The following PRICKLE2 variants were observed in gnomAD, a reference collection of about 807,000 sequenced individuals.
The protein encoded by PRICKLE2 is prickle-like protein 2.
A neutral mutation model predicts 81.4 loss-of-function variants in PRICKLE2; 21 were observed. The observed-to-expected ratio is 0.26, with a 90% CI of 0.18 to 0.37. The LOEUF (loss-of-function observed/expected upper bound fraction) is 0.37, where lower values mean the gene tolerates loss of function less well. Among genes scored for constraint, PRICKLE2 ranks in the 10% least tolerant of loss-of-function variants. The pLI, the probability that PRICKLE2 is intolerant of heterozygous loss-of-function variation, is 1.00. For missense variants in PRICKLE2, 940 were observed against 1,109.0 expected, an observed-to-expected ratio of 0.85 and a Z score of 2.16; for synonymous variants, 456 against 421.5, an observed-to-expected ratio of 1.08 and a Z score of -1.00.
At chr3:64,123,967 T>A (rs1024130146) in intron 7 of PRICKLE2, among the ~76,000 whole-genome samples, 1 of 152,156 alleles carries the variant, frequency 6.6e-6, no homozygotes, top group Non-Finnish European at 1.5e-5. Flanking sequence ...TGGAGATGAC[T>A]AAGCTTAGTG....
chr3:64,228,910 G>A (rs1240887895), upstream of PRICKLE2, among the ~76,000 whole-genome samples: 1 of 152,138 alleles, frequency 6.6e-6, no homozygotes, highest in Admixed American at 6.5e-5. Context: ...TTATGGCAGA[G>A]GTGATCAGGA....
At chr3:64,112,844 G>A (rs1321376759) in intron 7 of PRICKLE2, among the ~76,000 whole-genome samples, 1 of 152,168 alleles carries the variant, frequency 6.6e-6, no homozygotes, top group East Asian at 1.9e-4. Flanking sequence ...GAGCAAAGGG[G>A]GAGAAGGCAA....
At chr3:64,159,211 T>A (rs976623762) in intron 4 of PRICKLE2, among the ~76,000 whole-genome samples, 12 of 152,130 alleles carry the variant, frequency 7.9e-5, no homozygotes, top group Non-Finnish European at 1.5e-4. Context: ...CTCTCACCTG[T>A]TCACAAATAG....
chr3:64,214,530 G>A (rs557341203), intron 1 of PRICKLE2, among the ~76,000 whole-genome samples: 72 of 152,264 alleles, frequency 4.7e-4, no homozygotes, highest in African/African-American at 1.6e-3. Flanking sequence ...TCCCTGATTT[G>A]AGCTGGATCT....
chr3:64,166,001 TGTGTGTG>T (rs1559552043), intron 2 of PRICKLE2, among the ~76,000 whole-genome samples: 1,994 of 101,384 alleles, frequency 0.02, 19 homozygotes, highest in Non-Finnish European at 0.026. Flanking sequence ...TGTGTGTGTG[TGTGTGTG>T]TGTGTGTTTT....
intron 2 of PRICKLE2, among the ~76,000 whole-genome samples, chr3:64,264,284 T>C (rs2079663417): frequency 6.6e-6 from 1 of 151,944 alleles, no homozygotes; most frequent in African/African-American, 2.4e-5. Flanking sequence ...CCTCATAGGG[T>C]TGTCGTAAGG....
intron 7 of PRICKLE2, among the ~76,000 whole-genome samples, chr3:64,115,087 A>C (rs1096265): frequency 0.42 from 63,461 of 151,994 alleles, 13,725 homozygotes; most frequent in East Asian, 0.55. Context: ...AGAATTTCAT[A>C]TCCGGCCAAA....
chr3:64,215,275 A>T (rs755518661), intron 1 of PRICKLE2, among the ~76,000 whole-genome samples: 1 of 152,110 alleles, frequency 6.6e-6, no homozygotes, highest in African/African-American at 2.4e-5. Flanking sequence ...TGAATTTGCC[A>T]AGGCTTTCCC....
At chr3:64,200,745 T>C (rs1255158305) in intron 1 of PRICKLE2, 2 of 151,844 alleles carry the variant, frequency 1.3e-5, no homozygotes, top group Non-Finnish European at 2.9e-5. Context: ...GCCTCCTGAG[T>C]AGCTGGGACT....
chr3:64,205,670 T>C (rs1001057658), intron 1 of PRICKLE2, among the ~76,000 whole-genome samples: 19 of 152,200 alleles, frequency 1.2e-4, no homozygotes, highest in Non-Finnish European at 2.4e-4. Context: ...ATTGTAGAAA[T>C]TGAGATTCGA....
intron 1 of PRICKLE2, among the ~76,000 whole-genome samples, chr3:64,212,986 A>C (rs1488206875): frequency 1.3e-5 from 2 of 152,120 alleles, no homozygotes; most frequent in Admixed American, 1.3e-4. Context: ...GGACTGAGCA[A>C]GGTAATTTCA....
intron 2 of PRICKLE2, among the ~76,000 whole-genome samples, chr3:64,167,375 GCCCTGTGATTCCAC>G (rs1344072350): frequency 6.6e-6 from 1 of 152,166 alleles, no homozygotes; most frequent in Non-Finnish European, 1.5e-5. Flanking sequence ...AGATAAAGGT[GCCCTGTGATTCCAC>G]CCCAGGTGAA....
intron 1 of PRICKLE2, among the ~76,000 whole-genome samples, chr3:64,221,420 T>TACACACACACAC: frequency 6.9e-6 from 1 of 143,908 alleles, no homozygotes; most frequent in African/African-American, 2.6e-5. Context: ...GCTTGATTCA[T>TACACACACACAC]ACACACACAC....
chr3:64,192,740 C>A (rs1176328125), intron 2 of PRICKLE2, among the ~76,000 whole-genome samples: 1 of 152,164 alleles, frequency 6.6e-6, no homozygotes, highest in Non-Finnish European at 1.5e-5. Flanking sequence ...ATCCTTCCTG[C>A]GACAGTTTGA....
chr3:64,097,369 G>C lies in PRICKLE2; in HGVS notation c.*1682C>G, dbSNP rs938048041. The C allele has an allele frequency of 6.6e-6, 1 of 152,400 alleles. No individual in the cohort carries two copies. Among genetic ancestry groups the C allele is most frequent in the Non-Finnish European group, 1.5e-5 (1 of 68,018 alleles). 9.4% of individuals were successfully genotyped at this position (152,400 alleles called of 1,614,324 possible). On this transcript the variant is annotated 3_prime_UTR_variant, in exon 8 of 8. Transcript: ENST00000638394. Reference sequence around the variant, plus strand: ...AACTACTATACTGAAAAGAGATCACGCTCACCTCACCATGGCAGATGGCCA... The same window carrying C: ...AACTACTATACTGAAAAGAGATCACCCTCACCTCACCATGGCAGATGGCCA...
intron 2 of PRICKLE2, among the ~76,000 whole-genome samples, chr3:64,171,185 A>C (rs2107061750): frequency 6.6e-6 from 1 of 152,292 alleles, no homozygotes; most frequent in Admixed American, 6.5e-5. Flanking sequence ...TCTTTGCTCA[A>C]GGGCCACCTT....
intron 2 of PRICKLE2, among the ~76,000 whole-genome samples, chr3:64,183,785 T>C (rs1196348486): frequency 1.3e-5 from 2 of 152,212 alleles, no homozygotes; most frequent in Non-Finnish European, 2.9e-5. Context: ...GCAAAGAAAC[T>C]TGGTCAAGGC....
At chr3:64,186,350 G>A (rs2078232479) in intron 2 of PRICKLE2, among the ~76,000 whole-genome samples, 1 of 152,188 alleles carries the variant, frequency 6.6e-6, no homozygotes. Context: ...GTTTGGGGAG[G>A]TGAATTAACT....
chr3:64,194,774 G>T (rs116347101), intron 2 of PRICKLE2, among the ~76,000 whole-genome samples: 1 of 152,160 alleles, frequency 6.6e-6, no homozygotes, highest in Admixed American at 6.5e-5. Context: ...AATGTCTTCA[G>T]ACCAGGCGTG....
Sources: allele counts gnomAD v4.1 joint callset (sites outside exome capture counted in the v4.1 genomes callset), GRCh38; gene constraint gnomAD v4.1.1; transcripts MANE v1.5; gene names NCBI Gene and HGNC (gene_info 2026-07-23, HGNC 2026-07-21).